UBE2D4: variants seen among roughly 807,000 people sequenced by gnomAD.
The protein encoded by UBE2D4 is ubiquitin-conjugating enzyme E2 D4.
Under a neutral mutation model 23.0 loss-of-function variants are expected in UBE2D4, and 17 were observed. The observed-to-expected ratio is 0.74, with a 90% CI of 0.51 to 1.11. UBE2D4 has a LOEUF of 1.11. Ranked by LOEUF, UBE2D4 falls within the 50% of genes least tolerant of loss-of-function variation. UBE2D4 has a pLI of 0.00. For synonymous variants in UBE2D4, 61 were observed against 69.4 expected (o/e 0.88, Z 0.60); for missense variants, 139 against 181.8 (o/e 0.76, Z 1.35).
intron 4 of UBE2D4, among the ~76,000 whole-genome samples, chr7:43,945,566 T>C (rs1031787272): frequency 6.6e-6 from 1 of 152,170 alleles, no homozygotes; most frequent in Non-Finnish European, 1.5e-5. Context: ...ATTTTGAAGT[T>C]TGACCCTTCC....
rs2132777009 is a variant in UBE2D4, at chr7:43,942,836, G to A, written c.99G>A (p.Trp33Ter). ...TCTTTTGTTTTGTAGTGTTCCACTG[G>A]CAGGCCACCATCATGGGCCCGGTAG... ...AGPVGDDLFH[W>*]QATIMGPNDS... The change falls in exon 3 of 7, where the codon TGG becomes TGA. Residue 33 changes from tryptophan (W) to a stop codon, truncating the protein, a stop_gained. Transcript: ENST00000222402. LOFTEE classifies it high-confidence loss of function. The A allele has an allele frequency of 6.2e-7, 1 of 1,614,184 alleles. No individual in the cohort carries two copies. The highest frequency in any genetic ancestry group is 8.5e-7 in the Non-Finnish European group (1 of 1,180,040).
At chr7:43,946,079 C>T in intron 4 of UBE2D4, 1 of 152,348 alleles carries the variant, frequency 6.6e-6, no homozygotes, top group Non-Finnish European at 1.5e-5. Flanking sequence ...CTGTGCCCGG[C>T]CGGCAAAATC....
chr7:43,928,155 A>C (rs1164369830), intron 1 of UBE2D4: 1 of 401,202 alleles, frequency 2.5e-6, no homozygotes. Context: ...TTAAACACCC[A>C]GATCTCACAT....
intron 4 of UBE2D4, among the ~76,000 whole-genome samples, chr7:43,945,776 C>CT (rs11339851): frequency 0.14 from 11,681 of 84,344 alleles, 796 homozygotes; most frequent in Admixed American, 0.17. Context: ...GGCAAAATCC[C>CT]TTTTTTTTTT....
chr7:43,948,902 C>T, intron 5 of UBE2D4, 165 bp downstream of exon 5: 1 of 584,220 alleles, frequency 1.7e-6, no homozygotes, highest in Non-Finnish European at 3.1e-6. Context: ...GCCTACGAGG[C>T]AGCACCAGCA....
Position 43,954,302 on chromosome 7 carries a change from C to G in UBE2D4, c.*1607C>G, listed in dbSNP as rs920827631. On this transcript the variant is annotated 3_prime_UTR_variant, in exon 7 of 7. Coordinates refer to ENST00000222402, the MANE Select transcript of UBE2D4 (RefSeq NM_015983.4). ...TTTTTTTTTAACACAGAGCCTTGCT[C>G]TGTCTCCCAGGCTGGAGTGCAGTGG... 3 of 118,160 alleles carry G rather than the reference C, an allele frequency of 2.5e-5. No homozygotes were observed. Among genetic ancestry groups the G allele is most frequent in the Non-Finnish European group, 4.8e-5 (3 of 61,948 alleles). 7.3% of individuals were successfully genotyped at this position (118,160 alleles called of 1,614,324 possible). A position where few individuals can be genotyped will look rare whatever the true frequency, so the allele number is the denominator to read the frequency against.
chr7:43,942,659 G>A, intron 2 of UBE2D4, 167 bp from the exon 3 acceptor site: 1 of 831,182 alleles, frequency 1.2e-6, no homozygotes, highest in Non-Finnish European at 2.0e-6. Context: ...GGAGTCCTAG[G>A]CAGTTATTGC....
At chr7:43,943,067 T>G (rs776516605) in intron 4 of UBE2D4, 36 bp downstream of exon 4, 2 of 1,601,412 alleles carry the variant, frequency 1.2e-6, no homozygotes, top group African/African-American at 2.7e-5. Flanking sequence ...GATGTTTGGA[T>G]GAAGGACAGC....
chr7:43,948,834 C>A, intron 5 of UBE2D4, 97 bp downstream of exon 5: 1 of 954,758 alleles, frequency 1.0e-6, no homozygotes, highest in Non-Finnish European at 1.7e-6. Flanking sequence ...AAGAAGTCAC[C>A]TTTCCCAGGT....
chr7:43,950,684 CAG>C lies in UBE2D4; in HGVS notation c.396_397del (p.Lys133ValfsTer43). On this transcript the variant is annotated frameshift_variant, in exon 6 of 7. Transcript: ENST00000222402. LOFTEE classifies it high-confidence loss of function. ...PEIAHTYKADREKYNRLAREW... is the reference protein window; with the variant it reads ...PEIAHTYKADXEKYNRLAREW... ...AGATAGCACACACCTACAAGGCCGA[CAG>C]AGAGAAGTACGTGTCCTCTTTGGGT... 1 of 1,614,092 alleles carries C rather than the reference CAG, an allele frequency of 6.2e-7. No homozygotes were observed. Among genetic ancestry groups the C allele is most frequent in the South Asian group, 1.1e-5 (1 of 91,080 alleles).
intron 1 of UBE2D4, among the ~76,000 whole-genome samples, chr7:43,933,608 T>C (rs1451243909): frequency 6.6e-6 from 1 of 151,980 alleles, no homozygotes; most frequent in Non-Finnish European, 1.5e-5. Context: ...GGCATGGTGG[T>C]GCGTTCCTGT....
At chr7:43,931,620 G>GC (rs1223002917) in intron 1 of UBE2D4, among the ~76,000 whole-genome samples, 1 of 138,916 alleles carries the variant, frequency 7.2e-6, no homozygotes, top group Admixed American at 7.2e-5. Context: ...TGGGGGGGCG[G>GC]GGGGGGTGGC....
chr7:43,949,831 A>C (rs1286183790), intron 5 of UBE2D4, among the ~76,000 whole-genome samples: 1 of 152,020 alleles, frequency 6.6e-6, no homozygotes, highest in Non-Finnish European at 1.5e-5. Flanking sequence ...TCTGCTTTGC[A>C]GTTAGAAGGA....
chr7:43,951,838 A>G (rs1438909359), intron 6 of UBE2D4: 3 of 152,110 alleles, frequency 2.0e-5, no homozygotes, highest in African/African-American at 7.2e-5. Flanking sequence ...TTTTTTTCAA[A>G]TTATATTTTT....
At chr7:43,943,227 C>A in intron 4 of UBE2D4, 196 bp downstream of exon 4, 2 of 621,076 alleles carry the variant, frequency 3.2e-6, no homozygotes, top group Non-Finnish European at 5.7e-6. Flanking sequence ...GATCAAGGGT[C>A]AGTGGGGTGA....
chr7:43,931,459 A>G (rs577589304), intron 1 of UBE2D4, among the ~76,000 whole-genome samples: 44 of 152,148 alleles, frequency 2.9e-4, no homozygotes, highest in Non-Finnish European at 5.4e-4. Context: ...ACAAACAAAC[A>G]AACAAAACAG....
intron 1 of UBE2D4, among the ~76,000 whole-genome samples, chr7:43,931,156 G>T (rs7808105): frequency 1.3e-5 from 2 of 152,174 alleles, no homozygotes; most frequent in South Asian, 2.1e-4. Context: ...ATACCTGAAG[G>T]CTGGATGAGG....
At chr7:43,935,098 C>T (rs1347913331) in intron 1 of UBE2D4, among the ~76,000 whole-genome samples, 2 of 152,156 alleles carry the variant, frequency 1.3e-5, no homozygotes, top group African/African-American at 4.8e-5. Context: ...GTAACAGGAC[C>T]CTTTGTCTGT....
intron 1 of UBE2D4, among the ~76,000 whole-genome samples, chr7:43,935,006 C>T (rs1056118317): frequency 3.9e-5 from 6 of 152,156 alleles, no homozygotes; most frequent in Non-Finnish European, 1.5e-5. Context: ...ATGTATTCAG[C>T]CTGGACATGG....
Sources: allele counts gnomAD v4.1 joint callset (sites outside exome capture counted in the v4.1 genomes callset), GRCh38; gene constraint gnomAD v4.1.1; transcripts MANE v1.5; gene names NCBI Gene and HGNC (gene_info 2026-07-23, HGNC 2026-07-21).